Variants in CNTN5 observed in about 807,000 individuals in gnomAD.
The protein encoded by CNTN5 is contactin 5, also known as contactin-5.
A neutral mutation model predicts 129.1 loss-of-function variants in CNTN5; 77 were observed. That is an observed-to-expected ratio of 0.60 (90% CI 0.50 to 0.72). CNTN5 has a LOEUF of 0.72. Ranked by LOEUF, CNTN5 falls within the 30% of genes least tolerant of loss-of-function variation. The pLI is 0.00. For synonymous variants in CNTN5, 509 were observed against 465.6 expected (o/e 1.09, Z -1.20); for missense variants, 1,478 against 1,328.8 (o/e 1.11, Z -1.75).
intron 3 of CNTN5, among the ~76,000 whole-genome samples, chr11:99,607,388 AC>A (rs1279316722): frequency 2.7e-5 from 4 of 148,470 alleles, no homozygotes; most frequent in Non-Finnish European, 6.0e-5. Flanking sequence ...GCAAATCAAA[AC>A]CACTGTGAGA....
At chr11:100,210,395 T>C (rs1207443232) in intron 15 of CNTN5, among the ~76,000 whole-genome samples, 2 of 151,248 alleles carry the variant, frequency 1.3e-5, no homozygotes, top group Non-Finnish European at 2.9e-5. Context: ...TTTCAACTTC[T>C]CCAATAATTC....
intron 8 of CNTN5, among the ~76,000 whole-genome samples, chr11:99,974,568 C>G (rs2137321976): frequency 6.6e-6 from 1 of 152,274 alleles, no homozygotes. Flanking sequence ...GGATATTCTT[C>G]TCACTTCTGC....
At chr11:99,954,045 G>A (rs538054684) in intron 7 of CNTN5, among the ~76,000 whole-genome samples, 1 of 152,186 alleles carries the variant, frequency 6.6e-6, no homozygotes, top group South Asian at 2.1e-4. Flanking sequence ...TCCAGGTTCA[G>A]CTTTCTGCAT....
In CNTN5 at chr11:99,048,081, T is replaced by TA. The variant is rs201392132; in HGVS notation, c.-210+26820dup. ...TCACAGACGTATATACTCTAAAGCT[T>TA]AAAAAAAAATCATGGCATCCTATTT... On this transcript the variant is annotated intron_variant, in intron 1 of 24. Transcript: ENST00000524871. Among the ~76,000 whole-genome samples, 228 of 151,548 alleles carry TA rather than the reference T, an allele frequency of 1.5e-3. 2 individuals are homozygous for TA. In the East Asian group the frequency reaches 0.033, roughly 22 times the overall value.
intron 2 of CNTN5, among the ~76,000 whole-genome samples, chr11:99,394,681 C>G (rs753676309): frequency 1.6e-4 from 24 of 151,446 alleles, no homozygotes; most frequent in Non-Finnish European, 2.4e-4. Flanking sequence ...TCTTTCTGAT[C>G]GTTTCCTTTC....
chr11:99,899,487 T>A (rs1949297255), intron 6 of CNTN5, among the ~76,000 whole-genome samples: 1 of 152,104 alleles, frequency 6.6e-6, no homozygotes, highest in Non-Finnish European at 1.5e-5. Flanking sequence ...GATGATCATA[T>A]AGTTTTCATT....
intron 8 of CNTN5, among the ~76,000 whole-genome samples, chr11:99,965,466 G>A (rs1054282320): frequency 2.0e-5 from 3 of 151,966 alleles, no homozygotes; most frequent in East Asian, 1.9e-4. Context: ...GTAGTTGAGC[G>A]GTTTTGAGTG....
chr11:100,041,529 G>A (rs1248899208), intron 9 of CNTN5, among the ~76,000 whole-genome samples: 2 of 152,116 alleles, frequency 1.3e-5, no homozygotes, highest in Non-Finnish European at 2.9e-5. Context: ...CCTTGGCAAG[G>A]CTGCTTTGGC....
At chr11:99,631,066 G>T (rs1424454972) in intron 3 of CNTN5, among the ~76,000 whole-genome samples, 2 of 152,062 alleles carry the variant, frequency 1.3e-5, no homozygotes, top group Admixed American at 6.6e-5. Context: ...CTGCAGAGTT[G>T]CTGGGTTTTA....
chr11:99,180,799 A>G (rs1019277782), intron 1 of CNTN5, among the ~76,000 whole-genome samples: 31 of 152,194 alleles, frequency 2.0e-4, no homozygotes, highest in African/African-American at 7.5e-4. Flanking sequence ...TAGAAGCACA[A>G]TTAATAAAAT....
chr11:99,666,259 C>T (rs535020635), intron 3 of CNTN5, among the ~76,000 whole-genome samples: 207 of 152,268 alleles, frequency 1.4e-3, no homozygotes, highest in Middle Eastern at 3.4e-3. Context: ...TGAGCCACTG[C>T]GGCCAGTCAA....
intron 2 of CNTN5, among the ~76,000 whole-genome samples, chr11:99,467,660 TA>T (rs1352157303): frequency 6.6e-6 from 1 of 152,148 alleles, no homozygotes; most frequent in African/African-American, 2.4e-5. Flanking sequence ...AACACTATCT[TA>T]ACTTTATGCT....
At chr11:99,792,573 G>GTGTGTGTGTGTGTGTGTGTGTC (rs34622017) in intron 3 of CNTN5, among the ~76,000 whole-genome samples, 68 of 116,680 alleles carry the variant, frequency 5.8e-4, no homozygotes, top group African/African-American at 1.1e-3. Flanking sequence ...GTGTGTGTGT[G>GTGTGTGTGTGTGTGTGTGTGTC]TGTCTGTCTG....
chr11:99,975,906 G>A (rs1937923872), intron 8 of CNTN5, among the ~76,000 whole-genome samples: 1 of 152,042 alleles, frequency 6.6e-6, no homozygotes, highest in Non-Finnish European at 1.5e-5. Flanking sequence ...ACTTATTCCA[G>A]CATTACTCAA....
At chr11:99,320,553 C>A (rs1179980413) in intron 1 of CNTN5, among the ~76,000 whole-genome samples, 1 of 151,550 alleles carries the variant, frequency 6.6e-6, no homozygotes, top group East Asian at 1.9e-4. Context: ...GAATCAAACA[C>A]GGAGGAATTC....
intron 1 of CNTN5, among the ~76,000 whole-genome samples, chr11:99,216,315 C>A (rs908597300): frequency 1.3e-5 from 2 of 152,072 alleles, no homozygotes; most frequent in Non-Finnish European, 2.9e-5. Context: ...TGTGTTGTTG[C>A]AAATGACCGG....
intron 7 of CNTN5, among the ~76,000 whole-genome samples, chr11:99,942,507 T>C (rs1298914443): frequency 1.3e-5 from 2 of 151,972 alleles, no homozygotes; most frequent in Non-Finnish European, 2.9e-5. Flanking sequence ...AAGGGTGAAT[T>C]GTAAATTAAT....
At chr11:99,485,452 A>C (rs1945774415) in intron 2 of CNTN5, among the ~76,000 whole-genome samples, 1 of 152,112 alleles carries the variant, frequency 6.6e-6, no homozygotes, top group Non-Finnish European at 1.5e-5. Context: ...ATGATTTGTC[A>C]GTATAGGCTC....
At chr11:99,967,621 G>C (rs1347641156) in intron 8 of CNTN5, among the ~76,000 whole-genome samples, 2 of 152,088 alleles carry the variant, frequency 1.3e-5, no homozygotes, top group African/African-American at 4.8e-5. Context: ...TAATGTCTTG[G>C]AGGGTAATGT....
Sources: allele counts gnomAD v4.1 joint callset (sites outside exome capture counted in the v4.1 genomes callset), GRCh38; gene constraint gnomAD v4.1.1; transcripts MANE v1.5; gene names NCBI Gene and HGNC (gene_info 2026-07-23, HGNC 2026-07-21).